Variants in ARRB1 observed in about 807,000 individuals in gnomAD.
ARRB1 encodes the protein arrestin beta 1.
A neutral mutation model predicts 56.8 loss-of-function variants in ARRB1; 21 were observed. That is an observed-to-expected ratio of 0.37 (90% confidence interval 0.26 to 0.53). ARRB1 has a LOEUF of 0.53. Among genes scored for constraint, ARRB1 ranks in the 20% least tolerant of loss-of-function variants. The pLI is 0.88. For synonymous variants in ARRB1, 210 were observed against 218.6 expected (o/e 0.96, Z 0.35); for missense variants, 424 against 553.7 (o/e 0.77, Z 2.35).
rs762061014 is a variant in ARRB1, at chr11:75,287,370, G to C, written c.57C>G (p.Thr19=). 166 of 1,559,608 alleles carry C rather than the reference G, an allele frequency of 1.1e-4. No homozygotes were observed. Among genetic ancestry groups the C allele is most frequent in the Admixed American group, 1.9e-4 (10 of 52,104 alleles). The change falls in exon 3 of 16, where the codon ACC becomes ACG. Residue 19 remains threonine, a synonymous_variant. Coordinates refer to ENST00000420843, the MANE Select transcript of ARRB1 (RefSeq NM_004041.5). ...CAAAGTCCCGCTTTCCCAGGTAGACGGTGAGCTGAGGAGGAGAGGCATAGG... is the reference window on the plus strand; with the variant it reads ...CAAAGTCCCGCTTTCCCAGGTAGACCGTGAGCTGAGGAGGAGAGGCATAGG... The part of the protein sequence containing the change: ...FKKASPNGKL[T]VYLGKRDFVD...
intron 4 of ARRB1, 114 bp from the exon 5 acceptor site, chr11:75,283,597 A>G: frequency 1.9e-6 from 2 of 1,040,474 alleles, no homozygotes; most frequent in Non-Finnish European, 2.7e-6. Context: ...GCCTGTCCCA[A>G]GCTCTGTGGG....
intron 1 of ARRB1, among the ~76,000 whole-genome samples, chr11:75,331,028 G>A (rs1016664220): frequency 6.6e-6 from 1 of 152,232 alleles, no homozygotes; most frequent in Non-Finnish European, 1.5e-5. Context: ...ACTAAAATCT[G>A]ATTTTTATTT....
At chr11:75,345,166 T>C (rs770578594) in intron 1 of ARRB1, among the ~76,000 whole-genome samples, 1 of 152,148 alleles carries the variant, frequency 6.6e-6, no homozygotes, top group Non-Finnish European at 1.5e-5. Flanking sequence ...TGGGGACCTG[T>C]CTTGTCCAAC....
At chr11:75,267,155 C>T (rs898376547) in intron 15 of ARRB1, among the ~76,000 whole-genome samples, 7 of 152,220 alleles carry the variant, frequency 4.6e-5, no homozygotes, top group African/African-American at 1.2e-4. Flanking sequence ...GACCTGGAGG[C>T]GGTCCGCGCA....
intron 15 of ARRB1, 106 bp downstream of exon 15, chr11:75,267,546 A>G: frequency 8.5e-7 from 1 of 1,179,260 alleles, no homozygotes; most frequent in Non-Finnish European, 1.2e-6. Context: ...AGACGGGGTT[A>G]GACCAGCGGC....
chr11:75,309,695 G>C (rs1947115407), intron 1 of ARRB1, among the ~76,000 whole-genome samples: 1 of 152,212 alleles, frequency 6.6e-6, no homozygotes, highest in Non-Finnish European at 1.5e-5. Flanking sequence ...GGGGAGACCA[G>C]AGTGCTGAGC....
chr11:75,270,626 C>CA (rs112776931), intron 13 of ARRB1, among the ~76,000 whole-genome samples: 1,729 of 98,516 alleles, frequency 0.018, 20 homozygotes, highest in African/African-American at 0.045. Context: ...GATTCTGTCT[C>CA]AAAAAAAAAA....
At position 75,282,965 on chromosome 11, in the gene ARRB1, G is replaced by A. The variant is rs562588876; in HGVS notation, c.354+322C>T. Among the ~76,000 whole-genome samples, 10 of 152,322 alleles carry A rather than the reference G, an allele frequency of 6.6e-5. No homozygotes were observed. The East Asian group carries it at 1.4e-3, about 21-fold the overall frequency. On this transcript the variant is annotated intron_variant, in intron 5 of 15. Transcript: ENST00000420843. ...GGGCAAGTGGGGAGCTGATCTGAGC[G>A]GGAAACCCCTTGCAGTGATGCAGGG...
In ARRB1 at chr11:75,277,401, G is replaced by A. The variant is rs748445190; in HGVS notation, c.666C>T (p.Asn222=). 4 of 1,614,222 alleles carry A rather than the reference G, an allele frequency of 2.5e-6. No homozygotes were observed. In the South Asian group the frequency reaches 4.4e-5, roughly 18 times the overall value. Residue 222 remains asparagine (N), a synonymous_variant, in exon 9 of 16, where the codon AAC becomes AAT. Coordinates refer to ENST00000420843, the MANE Select transcript of ARRB1 (RefSeq NM_004041.5). ...TCTTCTTCACCGTCTTGTTGGTGTTGTTGGTGACGTGGACGTTGACGCTGA... is the reference window on the plus strand; with the variant it reads ...TCTTCTTCACCGTCTTGTTGGTGTTATTGGTGACGTGGACGTTGACGCTGA... The part of the protein sequence containing the change: ...EPISVNVHVT[N]NTNKTVKKIK...
chr11:75,292,837 G>A (rs1946641345), intron 1 of ARRB1, among the ~76,000 whole-genome samples: 1 of 152,086 alleles, frequency 6.6e-6, no homozygotes, highest in African/African-American at 2.4e-5. Flanking sequence ...TGTGAAATGG[G>A]GATTATCATC....
At position 75,340,968 on chromosome 11, in the gene ARRB1, C is replaced by T. The variant is rs114448343; in HGVS notation, c.20+10620G>A. The stretch of plus-strand genomic sequence containing the variant: ...CAATCTCACTTCCCTTCCTGCCTTC[C>T]TTGGAGCTTCTCCGCTGGCCGGCAC... On this transcript the variant is annotated intron_variant, in intron 1 of 15. Coordinates refer to ENST00000420843, the MANE Select transcript of ARRB1 (RefSeq NM_004041.5). Among the ~76,000 whole-genome samples the T allele has an allele frequency of 4.7e-3, 710 of 152,272 alleles. 18 individuals carry two copies. The highest frequency in any genetic ancestry group is 0.016 in the African/African-American group (669 of 41,558).
chr11:75,322,579 C>T (rs1947364317), intron 1 of ARRB1, among the ~76,000 whole-genome samples: 1 of 152,172 alleles, frequency 6.6e-6, no homozygotes, highest in Admixed American at 6.6e-5. Context: ...AGGGGAATCA[C>T]TGAAGGTACA....
chr11:75,331,703 C>T (rs952252340), intron 1 of ARRB1, among the ~76,000 whole-genome samples: 1 of 150,650 alleles, frequency 6.6e-6, no homozygotes, highest in African/African-American at 2.4e-5. Context: ...ACTCTCTTTT[C>T]GGACTCAGCC....
intron 1 of ARRB1, among the ~76,000 whole-genome samples, chr11:75,313,667 GC>G (rs1429957738): frequency 3.3e-5 from 5 of 152,004 alleles, no homozygotes; most frequent in Non-Finnish European, 7.4e-5. Context: ...CTGAGTGTTT[GC>G]CGGATTAACT....
chr11:75,315,662 TA>T (rs1311350312), intron 1 of ARRB1, among the ~76,000 whole-genome samples: 2 of 152,134 alleles, frequency 1.3e-5, no homozygotes, highest in African/African-American at 4.8e-5. Context: ...TTGGTAGGAA[TA>T]AACGGACACA....
intron 1 of ARRB1, among the ~76,000 whole-genome samples, chr11:75,350,464 C>T (rs140059292): frequency 6.6e-6 from 1 of 152,156 alleles, no homozygotes; most frequent in Non-Finnish European, 1.5e-5. Context: ...GGCTGCTGTG[C>T]CCACTTAGGG....
intron 1 of ARRB1, among the ~76,000 whole-genome samples, chr11:75,315,554 C>A (rs1230644810): frequency 1.3e-5 from 2 of 152,344 alleles, no homozygotes; most frequent in African/African-American, 4.8e-5. Context: ...CTGCCCTCCC[C>A]TCTGTGAGTA....
chr11:75,270,273 G>A (rs966146563), intron 13 of ARRB1, among the ~76,000 whole-genome samples: 12 of 152,218 alleles, frequency 7.9e-5, no homozygotes, highest in African/African-American at 2.7e-4. Context: ...TTGAGCTCAG[G>A]AGTTCGAGAC....
At position 75,332,394 on chromosome 11, in the gene ARRB1, A is replaced by G. The variant is rs116096903; in HGVS notation, c.20+19194T>C. Among the ~76,000 whole-genome samples the G allele has an allele frequency of 6.8e-3, 1,030 of 152,330 alleles. 6 individuals are homozygous for G. The highest frequency in any genetic ancestry group is 0.023 in the African/African-American group (975 of 41,564). ...AGATCTTTTTCTTCGAGGCCCTCCC[A>G]ATCCTGATGAGAATGACTAAAAGTC... On this transcript the variant is annotated intron_variant, in intron 1 of 15. Transcript: ENST00000420843.
Sources: gnomAD v4.1 joint callset for allele counts (sites outside exome capture counted in the v4.1 genomes callset) on GRCh38, gnomAD v4.1.1 for gene constraint, MANE v1.5 for transcripts, NCBI Gene and HGNC (gene_info 2026-07-23, HGNC 2026-07-21) for gene names.